MED13L: variants seen among roughly 807,000 people sequenced by gnomAD.
MED13L encodes mediator of RNA polymerase II transcription subunit 13-like.
A neutral mutation model predicts 220.9 loss-of-function variants in MED13L; 7 were observed. The observed-to-expected ratio is 0.03, with a 90% CI of 0.02 to 0.06. MED13L has a LOEUF of 0.06. Among genes scored for constraint, MED13L ranks in the 10% least tolerant of loss-of-function variants. The pLI, the probability that MED13L is intolerant of heterozygous loss-of-function variation, is 1.00. For synonymous variants in MED13L, 1,011 were observed against 1,015.2 expected (o/e 1.00, Z 0.08); for missense variants, 1,965 against 2,760.5 (o/e 0.71, Z 6.46).
At chr12:116,056,449 G>C (rs1335457591) in intron 4 of MED13L, among the ~76,000 whole-genome samples, 1 of 151,956 alleles carries the variant, frequency 6.6e-6, no homozygotes, top group Non-Finnish European at 1.5e-5. Flanking sequence ...GGCTGATCTT[G>C]AACTCCTGGG....
chr12:116,134,246 G>C (rs1876328360), intron 2 of MED13L, among the ~76,000 whole-genome samples: 1 of 152,174 alleles, frequency 6.6e-6, no homozygotes, highest in Non-Finnish European at 1.5e-5. Context: ...TGGATGATTA[G>C]TGTTGGATGA....
chr12:115,991,378 A>G lies in MED13L; in HGVS notation c.3576T>C (p.Asp1192=), dbSNP rs1227562352. 2.5e-6 allele frequency: 4 copies of G among 1,614,022 alleles called. No homozygotes were observed. The East Asian group carries it at 8.9e-5, about 36-fold the overall frequency. Residue 1192 remains aspartate, a synonymous_variant, in exon 17 of 31, where the codon GAT becomes GAC. Coordinates refer to ENST00000281928, the MANE Select transcript of MED13L (RefSeq NM_015335.5). The surrounding 1 kb of genome is among the most constrained non-coding windows in gnomAD (Gnocchi z 7.7). The part of the protein sequence containing the change: ...DELDIFGKNS[D]IGQAAERRLM... ...AGCGCCTCTCTGCAGCCTGACCAAT[A>G]TCAGAATTCTTCCCAAAAATATCCA...
At chr12:116,043,705 T>C (rs1245858312) in intron 4 of MED13L, among the ~76,000 whole-genome samples, 3 of 152,164 alleles carry the variant, frequency 2.0e-5, no homozygotes, top group Non-Finnish European at 4.4e-5. Flanking sequence ...TATGTATAAA[T>C]AGATATCCAG....
At chr12:116,228,142 G>A (rs1869186901) in intron 2 of MED13L, among the ~76,000 whole-genome samples, 1 of 152,012 alleles carries the variant, frequency 6.6e-6, no homozygotes, top group South Asian at 2.1e-4. Context: ...AGAGAGGTGA[G>A]GAAGCAAACC....
chr12:116,057,342 C>G (rs1404982043), intron 4 of MED13L, among the ~76,000 whole-genome samples: 1 of 152,058 alleles, frequency 6.6e-6, no homozygotes, highest in South Asian at 2.1e-4. Context: ...TAAGCCAGAG[C>G]GAAAATACCA....
At chr12:116,017,907 T>A (rs1030638049) in intron 7 of MED13L, among the ~76,000 whole-genome samples, 1 of 151,892 alleles carries the variant, frequency 6.6e-6, no homozygotes, top group African/African-American at 2.4e-5. Flanking sequence ...TGAGCCATCA[T>A]GCCTGGCCTT....
intron 1 of MED13L, among the ~76,000 whole-genome samples, chr12:116,247,791 A>G (rs1871213803): frequency 6.6e-6 from 1 of 152,258 alleles, no homozygotes; most frequent in Non-Finnish European, 1.5e-5. Flanking sequence ...TTAACTAAAA[A>G]GTATAAAGAT....
chr12:116,141,843 G>A (rs945510151), intron 2 of MED13L, among the ~76,000 whole-genome samples: 1 of 151,930 alleles, frequency 6.6e-6, no homozygotes, highest in East Asian at 1.9e-4. Context: ...CCCTTCAATG[G>A]CTTCTCAACT....
At chr12:116,195,382 A>G (rs1397172103) in intron 2 of MED13L, among the ~76,000 whole-genome samples, 1 of 152,208 alleles carries the variant, frequency 6.6e-6, no homozygotes, top group African/African-American at 2.4e-5. Context: ...GAAAACGAAT[A>G]AAAACACAGC....
At chr12:116,180,115 T>C (rs574152503) in intron 2 of MED13L, among the ~76,000 whole-genome samples, 1 of 152,328 alleles carries the variant, frequency 6.6e-6, no homozygotes, top group South Asian at 2.1e-4. Context: ...CCTTTATCAC[T>C]GTGGCTCGAC....
intron 30 of MED13L, among the ~76,000 whole-genome samples, chr12:115,962,385 T>C (rs562276130): frequency 6.6e-6 from 1 of 152,288 alleles, no homozygotes; most frequent in Non-Finnish European, 1.5e-5. Context: ...TCTAATGTCA[T>C]TGCCTGACAG....
intron 9 of MED13L, 44 bp from the exon 10 acceptor site, chr12:116,009,176 A>G: frequency 1.9e-6 from 3 of 1,609,764 alleles, no homozygotes; most frequent in Non-Finnish European, 2.5e-6. Context: ...CATTAAGAAA[A>G]GAGATTCTCT....
intron 3 of MED13L, chr12:116,109,998 T>C (rs112024060): frequency 7.2e-5 from 11 of 152,184 alleles, no homozygotes; most frequent in Non-Finnish European, 1.2e-4. Flanking sequence ...CCCTAGCCAA[T>C]AGTTTGGATA....
chr12:116,223,945 C>T (rs1003466564), intron 2 of MED13L, among the ~76,000 whole-genome samples: 2 of 152,176 alleles, frequency 1.3e-5, no homozygotes, highest in Non-Finnish European at 2.9e-5. Flanking sequence ...ACACAAACTT[C>T]TATTACATTC....
intron 2 of MED13L, among the ~76,000 whole-genome samples, chr12:116,214,032 A>G (rs1042633588): frequency 6.6e-6 from 1 of 152,210 alleles, no homozygotes; most frequent in Non-Finnish European, 1.5e-5. Flanking sequence ...CTTTAAAAGT[A>G]CAATTTAAGT....
At chr12:116,233,922 G>A (rs1156694156) in intron 2 of MED13L, among the ~76,000 whole-genome samples, 1 of 152,146 alleles carries the variant, frequency 6.6e-6, no homozygotes, top group Non-Finnish European at 1.5e-5. Context: ...TCAGAGATAT[G>A]TCAAGCAATT....
rs534446311 is a variant in MED13L at position 116,266,235 on chromosome 12, C to T, written c.72+10825G>A. Among the ~76,000 whole-genome samples the T allele has an allele frequency of 2.6e-5, 4 of 152,118 alleles. No homozygotes were observed. The South Asian group carries it at 6.2e-4, about 24-fold the overall frequency. Reference sequence around the variant, plus strand: ...ATCTCAGAAGTCCTCATTTAGCAAACGTAATAGCCAGCAGAAAGCTTGTCT... The same window carrying T: ...ATCTCAGAAGTCCTCATTTAGCAAATGTAATAGCCAGCAGAAAGCTTGTCT... On this transcript the variant is annotated intron_variant, in intron 1 of 30. Transcript: ENST00000281928.
chr12:116,171,828 A>G (rs1879702525), intron 2 of MED13L, among the ~76,000 whole-genome samples: 2 of 152,002 alleles, frequency 1.3e-5, no homozygotes, highest in Non-Finnish European at 2.9e-5. Flanking sequence ...CTACCAACCA[A>G]TTTTTTTAAA....
intron 1 of MED13L, among the ~76,000 whole-genome samples, chr12:116,263,189 A>G (rs1428797604): frequency 1.3e-5 from 2 of 152,162 alleles, no homozygotes; most frequent in East Asian, 1.9e-4. Context: ...TTATGTAGCT[A>G]AATTTTCCTA....
Sources: gnomAD v4.1 joint callset for allele counts (sites outside exome capture counted in the v4.1 genomes callset) on GRCh38, gnomAD v4.1.1 for gene constraint, Gnocchi (gnomAD v3.1) non-coding constraint, MANE v1.5 for transcripts, NCBI Gene and HGNC (gene_info 2026-07-23, HGNC 2026-07-21) for gene names.